C14orf93: variants seen among roughly 807,000 people sequenced by gnomAD.
The protein encoded by C14orf93 is chromosome 14 open reading frame 93.
C14orf93 carries 23 observed loss-of-function variants against 44.0 expected under a neutral mutation model. The observed-to-expected ratio is 0.52, with a 90% CI of 0.38 to 0.74. The LOEUF (loss-of-function observed/expected upper bound fraction) is 0.74, where lower values mean the gene tolerates loss of function less well. C14orf93 is among the 30% of genes least tolerant of loss of function. C14orf93 has a pLI of 0.00. For synonymous variants in C14orf93, 253 were observed against 265.7 expected (o/e 0.95, Z 0.46); for missense variants, 579 against 678.9 (o/e 0.85, Z 1.64).
At chr14:23,001,768 T>C (rs931696016) in intron 1 of C14orf93, among the ~76,000 whole-genome samples, 11 of 146,226 alleles carry the variant, frequency 7.5e-5, no homozygotes, top group Admixed American at 6.9e-4. Flanking sequence ...CCCAGCTCCT[T>C]CTTCTTTAAA....
intron 4 of C14orf93, 47 bp downstream of exon 4, chr14:22,990,019 T>C: frequency 6.4e-7 from 1 of 1,553,842 alleles, no homozygotes; most frequent in East Asian, 2.2e-5. Flanking sequence ...TACTTCCCTG[T>C]CCTTAGCAAA....
At chr14:23,007,281 G>T (rs536177458) in intron 1 of C14orf93, among the ~76,000 whole-genome samples, 94 of 152,368 alleles carry the variant, frequency 6.2e-4, no homozygotes, top group African/African-American at 2.2e-3. Flanking sequence ...AAAAAGTCAG[G>T]TAGGGGAGGG....
chr14:22,993,078 C>G (rs747321860), intron 3 of C14orf93, among the ~76,000 whole-genome samples: 9 of 152,242 alleles, frequency 5.9e-5, no homozygotes, highest in Non-Finnish European at 1.3e-4. Context: ...CGTGGTTTCA[C>G]CATGTTGGCC....
In C14orf93 at chr14:22,990,074, C is replaced by A. The variant is rs1021178917; in HGVS notation, c.972G>T (p.Gly324=). The A allele has an allele frequency of 4.3e-6, 7 of 1,612,926 alleles. No individual in the cohort carries two copies. In the African/African-American group the frequency reaches 9.3e-5, roughly 22 times the overall value. The change falls in exon 4 of 7, where the codon GGG becomes GGT. Residue 324 remains glycine, a synonymous_variant. Transcript: ENST00000299088. Reference sequence around the variant, plus strand: ...CCTCAAGGAGACCATACCTTTCAGACCCATTGAATCTCTTGTCATTGGTGA... The same window carrying A: ...CCTCAAGGAGACCATACCTTTCAGAACCATTGAATCTCTTGTCATTGGTGA... The part of the protein sequence containing the change: ...NHITNDKRFN[G]SESIKSSWNI...
At chr14:23,009,846 TAAAAAAAAG>T (rs1227451216) in intron 1 of C14orf93, among the ~76,000 whole-genome samples, 1 of 151,176 alleles carries the variant, frequency 6.6e-6, no homozygotes, top group African/African-American at 2.4e-5. Flanking sequence ...AAATGTGATT[TAAAAAAAAG>T]AAAAAAAAAC....
chr14:22,987,674 A>ATTCT lies in C14orf93; in HGVS notation c.1198-44_1198-41dup, dbSNP rs1442492798. On this transcript the variant is annotated intron_variant, in intron 6 of 6. Coordinates refer to ENST00000299088, the MANE Select transcript of C14orf93 (RefSeq NM_021944.4). This position sits in a 1 kb window ranked among gnomAD's most constrained non-coding sequence, Gnocchi z 5.6. ...CAGGAGATAGATTAGGAAGGTAAAC[A>ATTCT]TTCTATGGATTAGATTTGGGGAAAA... 6.6e-6 allele frequency: 10 copies of ATTCT among 1,526,346 alleles called. No individual in the cohort carries two copies. The highest frequency in any genetic ancestry group is 7.9e-6 in the Non-Finnish European group (9 of 1,138,848). The allele number at this position is 1,526,346 out of a possible 1,614,324, so 94.6% of individuals were successfully genotyped here. A position where few individuals can be genotyped will look rare whatever the true frequency, so the allele number is the denominator to read the frequency against.
intron 1 of C14orf93, among the ~76,000 whole-genome samples, chr14:23,007,398 G>A (rs1022649527): frequency 6.6e-6 from 1 of 152,202 alleles, no homozygotes; most frequent in Non-Finnish European, 1.5e-5. Context: ...TCACAAACCT[G>A]TGTGTACACG....
At chr14:23,003,020 T>A (rs893283016) in intron 1 of C14orf93, among the ~76,000 whole-genome samples, 1 of 152,366 alleles carries the variant, frequency 6.6e-6, no homozygotes, top group South Asian at 2.1e-4. Flanking sequence ...GGTAATTTAG[T>A]ATTTGTAATT....
chr14:22,986,413 T>C lies in C14orf93; in HGVS notation c.*802A>G, dbSNP rs2045230108. On this transcript the variant is annotated 3_prime_UTR_variant, in exon 7 of 7. Transcript: ENST00000299088. ...ACCTGACACCTAGTAAAGCGATCAA[T>C]GTTTGTTATAAGACTGAATAAATGT... The C allele has an allele frequency of 6.6e-6, 1 of 152,268 alleles. No homozygotes were observed. The highest frequency in any genetic ancestry group is 2.4e-5 in the African/African-American group (1 of 41,458). 9.4% of individuals were successfully genotyped at this position (152,268 alleles called of 1,614,324 possible).
rs1008427862 is a variant in C14orf93, at chr14:22,992,605, T to G, written c.919-2478A>C. ...TATTTTTTATTTTTTTGAGATGGAGTCTTACTCTGTAGCCCAGGCTGGGGT... is the reference window on the plus strand; with the variant it reads ...TATTTTTTATTTTTTTGAGATGGAGGCTTACTCTGTAGCCCAGGCTGGGGT... On this transcript the variant is annotated intron_variant, in intron 3 of 6. Coordinates refer to ENST00000299088, the MANE Select transcript of C14orf93 (RefSeq NM_021944.4). 2.0e-5 allele frequency among the ~76,000 whole-genome samples: 3 copies of G among 151,768 alleles called. No homozygotes were observed. In the East Asian group the frequency reaches 5.8e-4, roughly 29 times the overall value.
At chr14:23,007,664 A>C (rs1167058369) in intron 1 of C14orf93, among the ~76,000 whole-genome samples, 5 of 152,176 alleles carry the variant, frequency 3.3e-5, no homozygotes. Context: ...AGGAAGAAAA[A>C]GCAAGAACAG....
chr14:22,993,422 G>A (rs2045780181), intron 3 of C14orf93, among the ~76,000 whole-genome samples: 1 of 152,164 alleles, frequency 6.6e-6, no homozygotes, highest in Admixed American at 6.5e-5. Flanking sequence ...TCTCCACTCT[G>A]TAAAAAGGAC....
chr14:22,990,826 T>C (rs1023069948), intron 3 of C14orf93, among the ~76,000 whole-genome samples: 1 of 150,126 alleles, frequency 6.7e-6, no homozygotes, highest in Non-Finnish European at 1.5e-5. Flanking sequence ...CCTTTTCTTT[T>C]TTTTTTTTTT....
intron 5 of C14orf93, among the ~76,000 whole-genome samples, chr14:22,989,478 A>C (rs559073383): frequency 1.9e-4 from 29 of 152,212 alleles, no homozygotes; most frequent in Non-Finnish European, 3.2e-4. Flanking sequence ...CTTAGGTGCA[A>C]GACCTGCATA....
At chr14:23,003,876 ATATATATATATATATATATATATTTTTT>A (rs1477021103) in intron 1 of C14orf93, among the ~76,000 whole-genome samples, 2 of 12,402 alleles carry the variant, frequency 1.6e-4, no homozygotes, top group African/African-American at 7.6e-4. Context: ...ATATATATAT[ATATATATATATATATATATATATTTTTT>A]TTTTTTTTTT....
intron 1 of C14orf93, among the ~76,000 whole-genome samples, chr14:23,004,769 T>C (rs1300645913): frequency 3.3e-5 from 5 of 151,774 alleles, no homozygotes; most frequent in Admixed American, 6.6e-5. Flanking sequence ...AAATACAAAA[T>C]TAGCTGGGTG....
chr14:23,006,225 T>C (rs758247070), intron 1 of C14orf93: 4 of 152,200 alleles, frequency 2.6e-5, no homozygotes, highest in Non-Finnish European at 5.9e-5. Context: ...AGGTGCAAAA[T>C]GGCTCACCTG....
Position 22,999,189 on chromosome 14 carries a change from GCA to G in C14orf93, c.-168_-167del. On this transcript the variant is annotated 5_prime_UTR_variant, in exon 2 of 7. It introduces an in-frame stop codon into an upstream open reading frame of the 5' UTR. Transcript: ENST00000299088. Reference sequence around the variant, plus strand: ...AGAAGAGTAAACAAGCCATGAAGAAGCACACAGTCCATGGCGGCCTCTCCTCG... The same window carrying G: ...AGAAGAGTAAACAAGCCATGAAGAAGCACAGTCCATGGCGGCCTCTCCTCG... The G allele has an allele frequency of 8.9e-7, 1 of 1,127,420 alleles. No individual in the cohort carries two copies. The highest frequency in any genetic ancestry group is 1.2e-6 in the Non-Finnish European group (1 of 817,790). The allele number at this position is 1,127,420 out of a possible 1,614,324, so 69.8% of individuals were successfully genotyped here.
rs150172494 is a variant in C14orf93, at chr14:22,987,527, G to A, written c.1305C>T (p.Asn435=). 4.0e-5 allele frequency: 64 copies of A among 1,614,106 alleles called. No homozygotes were observed. In the East Asian group the frequency reaches 7.1e-4, roughly 18 times the overall value. ...GGCGGGCCACCCACACACCTGGCTC[G>A]TTAAGACTGTCCTCTTCATCTGACA... The part of the protein sequence containing the change: ...ELMSDEEDSL[N]EPGVWVARPP... Residue 435 remains asparagine (N), a synonymous_variant, in exon 7 of 7, where the codon AAC becomes AAT. Coordinates refer to ENST00000299088, the MANE Select transcript of C14orf93 (RefSeq NM_021944.4). This position sits in a 1 kb window ranked among gnomAD's most constrained non-coding sequence, Gnocchi z 5.6.
Sources: allele counts gnomAD v4.1 joint callset (sites outside exome capture counted in the v4.1 genomes callset), GRCh38; gene constraint gnomAD v4.1.1; non-coding constraint Gnocchi (gnomAD v3.1); transcripts MANE v1.5; gene names NCBI Gene and HGNC (gene_info 2026-07-23, HGNC 2026-07-21).